PUM1: variants seen among roughly 807,000 people sequenced by gnomAD.
PUM1 encodes pumilio RNA binding family member 1.
PUM1 carries 13 observed loss-of-function variants against 131.8 expected under a neutral mutation model. That is an observed-to-expected ratio of 0.10 (90% confidence interval 0.06 to 0.16). The LOEUF is 0.16. PUM1 is among the 10% of genes least tolerant of loss of function. The pLI, the probability that PUM1 is intolerant of heterozygous loss-of-function variation, is 1.00. For synonymous variants in PUM1, 509 were observed against 556.5 expected (o/e 0.91, Z 1.20); for missense variants, 961 against 1,512.4 (o/e 0.64, Z 6.05).
In PUM1 at chr1:30,973,479, T is replaced by A. The variant is rs180980543; in HGVS notation, c.1506+1172A>T. Among the ~76,000 whole-genome samples, 488 of 152,324 alleles carry A rather than the reference T, an allele frequency of 3.2e-3. 3 individuals carry two copies. Among genetic ancestry groups the A allele is most frequent in the African/African-American group, 0.011 (468 of 41,570 alleles). On this transcript the variant is annotated intron_variant, in intron 10 of 21. Coordinates refer to ENST00000426105, the MANE Select transcript of PUM1 (RefSeq NM_001020658.2). ...AAGGATAAACTTATGTAAAGGATGT[T>A]AATCAATCTCATTTAAAACACCAAA... is the stretch of plus-strand genomic sequence containing the variant.
intron 17 of PUM1, among the ~76,000 whole-genome samples, chr1:30,946,670 TTATA>T (rs1639689488): frequency 6.7e-6 from 1 of 148,800 alleles, no homozygotes; most frequent in African/African-American, 2.4e-5. Flanking sequence ...ATATATATAC[TTATA>T]TACATATATA....
chr1:31,020,773 T>C (rs1054871016), intron 3 of PUM1, among the ~76,000 whole-genome samples: 1 of 152,200 alleles, frequency 6.6e-6, no homozygotes, highest in African/African-American at 2.4e-5. Flanking sequence ...ATTTCATAGA[T>C]ATGCCTGCTA....
At chr1:30,945,248 A>G in intron 18 of PUM1, 98 bp downstream of exon 18, 1 of 1,385,464 alleles carries the variant, frequency 7.2e-7, no homozygotes, top group Non-Finnish European at 1.0e-6. Context: ...AAAATAAAGT[A>G]CATTAAGCAT....
At chr1:30,942,152 C>T in intron 18 of PUM1, 29 bp from the exon 19 acceptor site, 1 of 1,412,930 alleles carries the variant, frequency 7.1e-7, no homozygotes, top group Non-Finnish European at 9.4e-7. Flanking sequence ...AAATGAGAAG[C>T]AAAAATGACA....
intron 9 of PUM1, among the ~76,000 whole-genome samples, chr1:30,975,496 G>T (rs981823770): frequency 2.7e-5 from 4 of 147,320 alleles, no homozygotes; most frequent in African/African-American, 1.0e-4. Flanking sequence ...GATTACAGAT[G>T]CATGCCACTA....
At chr1:30,985,423 C>T (rs1226136589) in intron 7 of PUM1, among the ~76,000 whole-genome samples, 1 of 152,096 alleles carries the variant, frequency 6.6e-6, no homozygotes, top group African/African-American at 2.4e-5. Flanking sequence ...GAGGCCGAGG[C>T]AGGCGGATCA....
At chr1:30,976,398 T>G (rs1000769719) in intron 9 of PUM1, among the ~76,000 whole-genome samples, 1 of 152,222 alleles carries the variant, frequency 6.6e-6, no homozygotes, top group African/African-American at 2.4e-5. Context: ...CCAACTTGAT[T>G]CATTAACAGT....
At chr1:31,014,450 A>C (rs1054842035) in intron 3 of PUM1, among the ~76,000 whole-genome samples, 6 of 151,820 alleles carry the variant, frequency 4.0e-5, no homozygotes, top group Non-Finnish European at 7.4e-5. Flanking sequence ...GACCAGCCTG[A>C]GCAACATGCC....
At chr1:31,029,304 T>C (rs999408302) in intron 2 of PUM1, among the ~76,000 whole-genome samples, 1 of 152,168 alleles carries the variant, frequency 6.6e-6, no homozygotes, top group East Asian at 1.9e-4. Context: ...TTCAATCCAC[T>C]ATTTCTCTTT....
rs371489285 is a variant in PUM1 at position 30,963,386 on chromosome 1, A to T, written c.2323+1288T>A. On this transcript the variant is annotated intron_variant, in intron 14 of 21. Transcript: ENST00000426105. ...CCTACTAATCAGGAATGTCACAGTA[A>T]CTTTTATAAAGTGATGTTCATATAT... is the stretch of plus-strand genomic sequence containing the variant. 7.6e-4 allele frequency among the ~76,000 whole-genome samples: 116 copies of T among 152,338 alleles called. 1 individual carries two copies. The highest frequency in any genetic ancestry group is 2.6e-3 in the African/African-American group (110 of 41,568).
intron 3 of PUM1, among the ~76,000 whole-genome samples, chr1:31,014,649 G>A (rs186857773): frequency 7.2e-5 from 11 of 152,024 alleles, no homozygotes; most frequent in Admixed American, 1.3e-4. Flanking sequence ...TCAGCCAGGC[G>A]TAGTGGCCAG....
At chr1:30,942,857 T>A (rs556002229) in intron 18 of PUM1, among the ~76,000 whole-genome samples, 22 of 152,300 alleles carry the variant, frequency 1.4e-4, no homozygotes, top group South Asian at 4.1e-4. Flanking sequence ...ACTCAGGTCA[T>A]CCTCCTGCCT....
intron 17 of PUM1, among the ~76,000 whole-genome samples, chr1:30,948,405 C>A (rs1435395458): frequency 6.6e-6 from 1 of 151,876 alleles, no homozygotes; most frequent in East Asian, 1.9e-4. Context: ...ATAAGTCAGG[C>A]CCAGAACAAG....
At chr1:31,037,588 C>T (rs1029233209) in intron 2 of PUM1, among the ~76,000 whole-genome samples, 6 of 151,952 alleles carry the variant, frequency 3.9e-5, no homozygotes, top group Non-Finnish European at 5.9e-5. Context: ...GGCGTGGTGG[C>T]GGGCACCTGT....
intron 9 of PUM1, among the ~76,000 whole-genome samples, chr1:30,978,315 A>G (rs1441837131): frequency 6.6e-6 from 1 of 152,240 alleles, no homozygotes; most frequent in Non-Finnish European, 1.5e-5. Context: ...TAAAATCATC[A>G]TCTGAAAAAT....
At chr1:30,972,262 AGAAAAGAAGGGAAGGGAAGGGAAGG>A in intron 10 of PUM1, among the ~76,000 whole-genome samples, 1 of 26,174 alleles carries the variant, frequency 3.8e-5, no homozygotes, top group African/African-American at 1.4e-4. Context: ...CAGAAAGAAA[AGAAAAGAAGGGAAGGGAAGGGAAGG>A]GGAGGGGAGG....
chr1:30,974,241 C>G (rs1641047411), intron 10 of PUM1, among the ~76,000 whole-genome samples: 1 of 152,124 alleles, frequency 6.6e-6, no homozygotes, highest in South Asian at 2.1e-4. Flanking sequence ...CAATCCAATC[C>G]AATAGGTACT....
intron 1 of PUM1, among the ~76,000 whole-genome samples, chr1:31,059,988 A>C (rs984685689): frequency 2.6e-5 from 4 of 151,524 alleles, no homozygotes; most frequent in Admixed American, 6.6e-5. Flanking sequence ...CTGGTACTAC[A>C]GGCGCCCACC....
intron 18 of PUM1, 59 bp downstream of exon 18, chr1:30,945,287 G>C: frequency 6.3e-7 from 1 of 1,582,168 alleles, no homozygotes; most frequent in Non-Finnish European, 8.7e-7. Flanking sequence ...ATCCTACTCT[G>C]TTTTCTGCTC....
Sources: allele counts gnomAD v4.1 joint callset (sites outside exome capture counted in the v4.1 genomes callset), GRCh38; gene constraint gnomAD v4.1.1; transcripts MANE v1.5; gene names NCBI Gene and HGNC (gene_info 2026-07-23, HGNC 2026-07-21).